ECH1: variants seen among roughly 807,000 people sequenced by gnomAD.
The protein encoded by ECH1 is delta(3,5)-Delta(2,4)-dienoyl-CoA isomerase, mitochondrial.
ECH1 carries 30 observed loss-of-function variants against 37.0 expected under a neutral mutation model. That is an observed-to-expected ratio of 0.81 (90% confidence interval 0.61 to 1.10). ECH1 has a LOEUF of 1.10. Ranked by LOEUF, ECH1 falls within the 50% of genes least tolerant of loss-of-function variation. ECH1 has a pLI of 0.00. For missense variants in ECH1, 456 were observed against 441.6 expected (o/e 1.03, Z -0.29); for synonymous variants, 178 against 176.0 (o/e 1.01, Z -0.09).
intron 3 of ECH1, among the ~76,000 whole-genome samples, chr19:38,829,882 C>T (rs572750905): frequency 5.3e-5 from 8 of 152,018 alleles, no homozygotes; most frequent in East Asian, 1.9e-4. Flanking sequence ...TAGCTGGGCA[C>T]GGTGGCTCAC....
At position 38,815,563 on chromosome 19, in the gene ECH1, G is replaced by A. The variant is rs1025130849; in HGVS notation, c.*50C>T. 3 of 1,546,786 alleles carry A rather than the reference G, an allele frequency of 1.9e-6. No individual in the cohort carries two copies. Among genetic ancestry groups the A allele is most frequent in the East Asian group, 2.2e-5 (1 of 44,494 alleles). On this transcript the variant is annotated 3_prime_UTR_variant, in exon 10 of 10. Transcript: ENST00000221418. ...TCGCCCATCCTCCCTTTCTGTGGATGAGGCGGGACAAGGCCGGCCCCCTGG... is the reference window on the plus strand; with the variant it reads ...TCGCCCATCCTCCCTTTCTGTGGATAAGGCGGGACAAGGCCGGCCCCCTGG...
chr19:38,815,593 G>A lies in ECH1; in HGVS notation c.*20C>T. 1 of 1,612,380 alleles carries A rather than the reference G, an allele frequency of 6.2e-7. No homozygotes were observed. The highest frequency in any genetic ancestry group is 8.5e-7 in the Non-Finnish European group (1 of 1,178,562). Reference sequence around the variant, plus strand: ...GGGACAAGGCCGGCCCCCTGGCTGGGGCCTGGGACGCGAGGGCTCTCAGAG... The same window carrying A: ...GGGACAAGGCCGGCCCCCTGGCTGGAGCCTGGGACGCGAGGGCTCTCAGAG... On this transcript the variant is annotated 3_prime_UTR_variant, in exon 10 of 10. Coordinates refer to ENST00000221418, the MANE Select transcript of ECH1 (RefSeq NM_001398.3).
rs1225296661 is a variant in ECH1 at position 38,831,675 on chromosome 19, C to G, written c.52+46G>C. 1.9e-6 allele frequency: 3 copies of G among 1,610,964 alleles called. No homozygotes were observed. In the South Asian group the frequency reaches 3.3e-5, roughly 18 times the overall value. ...CCTCCCCGTCCTACATCTGCTATAACAGCACGACAGCGCGACGCACCCCCA... is the reference window on the plus strand; with the variant it reads ...CCTCCCCGTCCTACATCTGCTATAAGAGCACGACAGCGCGACGCACCCCCA... On this transcript the variant is annotated intron_variant, in intron 1 of 9. Coordinates refer to ENST00000221418, the MANE Select transcript of ECH1 (RefSeq NM_001398.3).
intron 3 of ECH1, among the ~76,000 whole-genome samples, chr19:38,827,823 C>T (rs939427268): frequency 6.6e-6 from 1 of 151,968 alleles, no homozygotes; most frequent in African/African-American, 2.4e-5. Flanking sequence ...TTCATCACAC[C>T]CAGCTAATTT....
chr19:38,822,649 A>G (rs2145378264), intron 3 of ECH1, among the ~76,000 whole-genome samples: 1 of 152,130 alleles, frequency 6.6e-6, no homozygotes, highest in East Asian at 1.9e-4. Context: ...GTGTCTAGCT[A>G]ATCTAGTGGG....
At position 38,817,446 on chromosome 19, in the gene ECH1, G is replaced by A. The variant is rs1971595916; in HGVS notation, c.474+5C>T. On this transcript the variant is annotated splice_donor_5th_base_variant and intron_variant, in intron 4 of 9. Transcript: ENST00000221418. ...GAAAGATCCCCTCCAGACCCCTAGA[G>A]TCACCCTCTCGATGACGTTGAAGGT... The A allele has an allele frequency of 6.2e-7, 1 of 1,613,316 alleles. No homozygotes were observed. Among genetic ancestry groups the A allele is most frequent in the Admixed American group, 1.7e-5 (1 of 59,888 alleles).
intron 3 of ECH1, among the ~76,000 whole-genome samples, chr19:38,829,334 A>T (rs1971784806): frequency 6.6e-6 from 1 of 150,436 alleles, no homozygotes; most frequent in South Asian, 2.1e-4. Context: ...GGTGGCGGGC[A>T]TCTGTAATCC....
At chr19:38,829,815 G>GA (rs796733541) in intron 3 of ECH1, among the ~76,000 whole-genome samples, 208 of 124,730 alleles carry the variant, frequency 1.7e-3, no homozygotes, top group Admixed American at 1.7e-3. Context: ...CTCTGTCTCA[G>GA]AAAAAAAAAA....
chr19:38,816,537 CG>C lies in ECH1; in HGVS notation c.589-15del. ...CACGTCCACCTCCTGGGGGAGGAAT[CG>C]GGTCAGTGTTTGGTTTCTGCCCAAT... On this transcript the variant is annotated splice_polypyrimidine_tract_variant and intron_variant, in intron 6 of 9. Coordinates refer to ENST00000221418, the MANE Select transcript of ECH1 (RefSeq NM_001398.3). 2 of 1,613,996 alleles carry C rather than the reference CG, an allele frequency of 1.2e-6. No homozygotes were observed. The highest frequency in any genetic ancestry group is 1.7e-6 in the Non-Finnish European group (2 of 1,179,946).
intron 3 of ECH1, among the ~76,000 whole-genome samples, chr19:38,825,251 C>G (rs185598631): frequency 6.6e-6 from 1 of 152,282 alleles, no homozygotes; most frequent in East Asian, 1.9e-4. Context: ...CCACTGGGAC[C>G]TTGACTTAGA....
intron 3 of ECH1, among the ~76,000 whole-genome samples, chr19:38,826,253 C>T (rs879010063): frequency 1.3e-5 from 2 of 152,146 alleles, no homozygotes; most frequent in Admixed American, 1.3e-4. Flanking sequence ...TTTGTTGTCC[C>T]CCTACTTGTG....
intron 3 of ECH1, 105 bp downstream of exon 3, chr19:38,830,971 AGT>A (rs1971810803): frequency 3.1e-6 from 3 of 971,442 alleles, no homozygotes; most frequent in Admixed American, 2.6e-5. Context: ...AAAAAAAAAA[AGT>A]GTGTAAGTCA....
intron 3 of ECH1, among the ~76,000 whole-genome samples, chr19:38,830,245 GA>G (rs1971798887): frequency 1.3e-5 from 2 of 152,186 alleles, no homozygotes; most frequent in African/African-American, 4.8e-5. Flanking sequence ...CCAATCTGAA[GA>G]AAAGGTCAGT....
chr19:38,818,485 T>TA, intron 3 of ECH1: 4 of 698,326 alleles, frequency 5.7e-6, no homozygotes, highest in Non-Finnish European at 7.0e-6. Flanking sequence ...CCTCTTTTTT[T>TA]TTATTTTATT....
Position 38,815,575 on chromosome 19 carries a change from G to A in ECH1, c.*38C>T. On this transcript the variant is annotated 3_prime_UTR_variant, in exon 10 of 10. Transcript: ENST00000221418. ...CCTTTCTGTGGATGAGGCGGGACAAGGCCGGCCCCCTGGCTGGGGCCTGGG... is the reference window on the plus strand; with the variant it reads ...CCTTTCTGTGGATGAGGCGGGACAAAGCCGGCCCCCTGGCTGGGGCCTGGG... The A allele has an allele frequency of 1.3e-6, 2 of 1,594,776 alleles. No homozygotes were observed. Among genetic ancestry groups the A allele is most frequent in the Non-Finnish European group, 8.6e-7 (1 of 1,163,686 alleles).
intron 3 of ECH1, among the ~76,000 whole-genome samples, chr19:38,827,039 G>A (rs1273905309): frequency 2.1e-5 from 3 of 145,582 alleles, no homozygotes; most frequent in African/African-American, 7.6e-5. Flanking sequence ...GGACAGGGAG[G>A]AGAGGGAGAA....
chr19:38,820,986 A>T (rs1169066998), intron 3 of ECH1, among the ~76,000 whole-genome samples: 1 of 152,230 alleles, frequency 6.6e-6, no homozygotes, highest in Non-Finnish European at 1.5e-5. Flanking sequence ...AGATGCAGAA[A>T]GAAAGCAGGA....
chr19:38,817,289 C>A, intron 5 of ECH1, 27 bp downstream of exon 5: 1 of 1,534,078 alleles, frequency 6.5e-7, no homozygotes, highest in Non-Finnish European at 8.8e-7. Flanking sequence ...GGGGAGCACC[C>A]GAGCAGGAGG....
At chr19:38,820,121 C>CGGA in intron 3 of ECH1, 1 of 334,992 alleles carries the variant, frequency 3.0e-6, no homozygotes, top group Non-Finnish European at 3.8e-6. Context: ...CGTGTAGTGG[C>CGGA]GCGATCTCGG....
Sources: gnomAD v4.1 joint callset for allele counts (sites outside exome capture counted in the v4.1 genomes callset) on GRCh38, gnomAD v4.1.1 for gene constraint, MANE v1.5 for transcripts, NCBI Gene and HGNC (gene_info 2026-07-23, HGNC 2026-07-21) for gene names.